Variants in FNBP1 observed in about 807,000 individuals in gnomAD.
FNBP1 encodes the protein formin binding protein 1.
In FNBP1, 26 loss-of-function variants were observed where a neutral mutation model predicts 90.6. The observed-to-expected ratio is 0.29, with a 90% CI of 0.21 to 0.40. The LOEUF is 0.40. FNBP1 is among the 10% of genes least tolerant of loss of function. The pLI is 1.00. For synonymous variants in FNBP1, 260 were observed against 265.2 expected (o/e 0.98, Z 0.19); for missense variants, 635 against 768.0 (o/e 0.83, Z 2.05).
chr9:130,022,681 GA>G (rs1263837328), intron 1 of FNBP1, among the ~76,000 whole-genome samples: 2 of 148,090 alleles, frequency 1.4e-5, no homozygotes, highest in African/African-American at 5.0e-5. Context: ...TTTTTTTTTT[GA>G]GACAGGGTTT....
intron 2 of FNBP1, among the ~76,000 whole-genome samples, chr9:129,986,312 A>C (rs2052232267): frequency 6.6e-6 from 1 of 152,104 alleles, no homozygotes; most frequent in African/African-American, 2.4e-5. Flanking sequence ...AAAGGCAATA[A>C]ATCAAGAATC....
chr9:130,033,676 C>CA (rs545221642), intron 1 of FNBP1, among the ~76,000 whole-genome samples: 109 of 150,396 alleles, frequency 7.2e-4, no homozygotes, highest in African/African-American at 2.6e-3. Context: ...CCCACCTCTA[C>CA]AAAAAAAACT....
chr9:129,947,907 C>A (rs1219626518), intron 6 of FNBP1, among the ~76,000 whole-genome samples: 1 of 151,464 alleles, frequency 6.6e-6, no homozygotes, highest in Non-Finnish European at 1.5e-5. Context: ...CAGGAGGGAG[C>A]CACTGCACTT....
At chr9:130,006,278 A>T (rs2131567380) in intron 1 of FNBP1, among the ~76,000 whole-genome samples, 1 of 152,190 alleles carries the variant, frequency 6.6e-6, no homozygotes. Context: ...CCCCGTCTCT[A>T]CTAAAAATAC....
intron 15 of FNBP1, among the ~76,000 whole-genome samples, chr9:129,899,627 G>C (rs1435363334): frequency 6.6e-6 from 1 of 152,046 alleles, no homozygotes; most frequent in Non-Finnish European, 1.5e-5. Flanking sequence ...TACTCAGGAG[G>C]CTGAGGTTGG....
intron 1 of FNBP1, among the ~76,000 whole-genome samples, chr9:130,038,114 G>A (rs1392458548): frequency 1.3e-5 from 2 of 152,182 alleles, no homozygotes; most frequent in East Asian, 3.9e-4. Flanking sequence ...CAGCACTTTG[G>A]GAGGCCGACG....
chr9:130,014,046 T>C (rs1341736933), intron 1 of FNBP1: 1 of 456,650 alleles, frequency 2.2e-6, no homozygotes, highest in Admixed American at 2.3e-5. Flanking sequence ...CTGATTCTAC[T>C]TGAAGTCCAA....
chr9:129,945,949 C>G (rs1040058251), intron 6 of FNBP1, among the ~76,000 whole-genome samples: 2 of 152,192 alleles, frequency 1.3e-5, no homozygotes, highest in Non-Finnish European at 2.9e-5. Flanking sequence ...AGACGGATCA[C>G]TTGAGCCCAG....
At chr9:129,949,026 AACAGAGAGTAAGG>A (rs916100381) in intron 6 of FNBP1, among the ~76,000 whole-genome samples, 3 of 152,064 alleles carry the variant, frequency 2.0e-5, no homozygotes, top group African/African-American at 7.2e-5. Flanking sequence ...AATATCCCAA[AACAGAGAGTAAGG>A]ATGTCTAGTC....
At chr9:129,954,629 TAATAAGTCAAGCTTAAAA>T (rs970188024) in intron 6 of FNBP1, among the ~76,000 whole-genome samples, 9 of 152,102 alleles carry the variant, frequency 5.9e-5, no homozygotes, top group African/African-American at 9.7e-5. Flanking sequence ...TGATATTCAA[TAATAAGTCAAGCTTAAAA>T]AAAAGCTCTT....
At chr9:129,953,572 T>C (rs1477711828) in intron 6 of FNBP1, among the ~76,000 whole-genome samples, 1 of 152,048 alleles carries the variant, frequency 6.6e-6, no homozygotes, top group African/African-American at 2.4e-5. Context: ...TTTAAAACCA[T>C]GCTTCTAAAT....
chr9:129,942,705 T>C (rs548959520), intron 6 of FNBP1, among the ~76,000 whole-genome samples: 6 of 152,278 alleles, frequency 3.9e-5, no homozygotes, highest in East Asian at 3.9e-4. Context: ...TATTTATCTA[T>C]AAAGGGATAA....
At position 129,994,975 on chromosome 9, in the gene FNBP1, A is replaced by C. The variant is rs1489632597; in HGVS notation, c.25-17T>G. On this transcript the variant is annotated splice_polypyrimidine_tract_variant and intron_variant, in intron 1 of 16. Coordinates refer to ENST00000446176, the MANE Select transcript of FNBP1 (RefSeq NM_015033.3). The stretch of plus-strand genomic sequence containing the variant: ...AAACTGATCCTGTTGAAACAAACCA[A>C]GAGAGAAGTTATGGTCTTTCCCTGT... 1 of 1,183,526 alleles carries C rather than the reference A, an allele frequency of 8.4e-7. No individual in the cohort carries two copies. Among genetic ancestry groups the C allele is most frequent in the South Asian group, 1.3e-5 (1 of 79,020 alleles). 73.3% of individuals were successfully genotyped at this position (1,183,526 alleles called of 1,614,324 possible).
At chr9:129,948,434 G>A (rs892138606) in intron 6 of FNBP1, among the ~76,000 whole-genome samples, 11 of 121,888 alleles carry the variant, frequency 9.0e-5, no homozygotes, top group Non-Finnish European at 1.6e-4. Context: ...GCGTGATCTC[G>A]GCTCACTGCA....
At chr9:129,948,240 T>C (rs1484253962) in intron 6 of FNBP1, among the ~76,000 whole-genome samples, 1 of 151,842 alleles carries the variant, frequency 6.6e-6, no homozygotes, top group Non-Finnish European at 1.5e-5. Context: ...ACTACTGCAC[T>C]CCAGCCTGAG....
chr9:129,902,814 G>A (rs1337606072), intron 13 of FNBP1, 55 bp downstream of exon 13: 3 of 1,594,048 alleles, frequency 1.9e-6, no homozygotes, highest in South Asian at 1.1e-5. Flanking sequence ...ATTCTACACC[G>A]AGGAACACCT....
At chr9:129,893,612 C>CAAAAAAAAAAAAAAAAAAAAAAA (rs1216398298) in intron 16 of FNBP1, among the ~76,000 whole-genome samples, 1 of 22,314 alleles carries the variant, frequency 4.5e-5, no homozygotes, top group Non-Finnish European at 8.1e-5. Context: ...GACTCTGTCT[C>CAAAAAAAAAAAAAAAAAAAAAAA]AAAAAAAAAA....
chr9:129,947,716 G>A (rs1023357501), intron 6 of FNBP1, among the ~76,000 whole-genome samples: 7 of 150,852 alleles, frequency 4.6e-5, no homozygotes, highest in African/African-American at 7.3e-5. Flanking sequence ...TCTGCCTCCC[G>A]GGTTCAAGCG....
chr9:129,918,271 C>T (rs1252963848), intron 10 of FNBP1, among the ~76,000 whole-genome samples: 2 of 152,204 alleles, frequency 1.3e-5, no homozygotes, highest in African/African-American at 2.4e-5. Flanking sequence ...CATCACAGTA[C>T]GTGGAATTTC....
Sources: allele counts gnomAD v4.1 joint callset (sites outside exome capture counted in the v4.1 genomes callset), GRCh38; gene constraint gnomAD v4.1.1; transcripts MANE v1.5; gene names NCBI Gene and HGNC (gene_info 2026-07-23, HGNC 2026-07-21).